CAMK2D: variants seen among roughly 807,000 people sequenced by gnomAD.
CAMK2D encodes the protein calcium/calmodulin-dependent protein kinase type II subunit delta.
A neutral mutation model predicts 84.0 loss-of-function variants in CAMK2D; 37 were observed. The observed-to-expected ratio is 0.44, with a 90% CI of 0.34 to 0.58. The LOEUF (loss-of-function observed/expected upper bound fraction) is 0.58. Among genes scored for constraint, CAMK2D ranks in the 20% least tolerant of loss-of-function variants. The pLI, the probability that CAMK2D is intolerant of heterozygous loss-of-function variation, is 0.02. For synonymous variants in CAMK2D, 202 were observed against 212.5 expected (o/e 0.95, Z 0.43); for missense variants, 448 against 652.5 (o/e 0.69, Z 3.41).
chr4:113,515,001 A>C, intron 10 of CAMK2D, 68 bp downstream of exon 10: 1 of 1,386,292 alleles, frequency 7.2e-7, no homozygotes, highest in Non-Finnish European at 1.0e-6. Flanking sequence ...TTAAATCCAT[A>C]AACAATATAT....
At chr4:113,681,622 T>C (rs2099346255) in intron 2 of CAMK2D, among the ~76,000 whole-genome samples, 1 of 152,152 alleles carries the variant, frequency 6.6e-6, no homozygotes. Flanking sequence ...CAAGAAAACA[T>C]TCACTAATCC....
At chr4:113,692,690 A>G (rs556505097) in intron 2 of CAMK2D, among the ~76,000 whole-genome samples, 34 of 152,122 alleles carry the variant, frequency 2.2e-4, no homozygotes, top group Non-Finnish European at 3.8e-4. Context: ...TCATACATAC[A>G]TACATATATT....
intron 4 of CAMK2D, among the ~76,000 whole-genome samples, chr4:113,567,417 C>T (rs373836157): frequency 3.3e-5 from 5 of 152,082 alleles, no homozygotes; most frequent in East Asian, 1.9e-4. Context: ...ATCTGCCTGC[C>T]GCAGCCTCCC....
chr4:113,754,516 G>T (rs975050509), intron 2 of CAMK2D: 20 of 944,362 alleles, frequency 2.1e-5, no homozygotes, highest in African/African-American at 3.5e-5. Flanking sequence ...CAATGGAAAT[G>T]AGAAGTATTA....
intron 3 of CAMK2D, among the ~76,000 whole-genome samples, chr4:113,653,418 A>G (rs2099184157): frequency 2.0e-5 from 3 of 152,082 alleles, no homozygotes; most frequent in South Asian, 2.1e-4. Flanking sequence ...TAGTATTAAA[A>G]TACTTTTAAT....
intron 3 of CAMK2D, among the ~76,000 whole-genome samples, chr4:113,629,259 T>C (rs1017589154): frequency 6.6e-6 from 1 of 152,012 alleles, no homozygotes; most frequent in Non-Finnish European, 1.5e-5. Flanking sequence ...CAAATTTGTA[T>C]CAGAAACTCC....
chr4:113,486,914 C>T (rs889913363), intron 16 of CAMK2D, among the ~76,000 whole-genome samples: 1 of 152,150 alleles, frequency 6.6e-6, no homozygotes, highest in Non-Finnish European at 1.5e-5. Context: ...TGTGTCTTTG[C>T]CTGCAACATT....
chr4:113,502,890 T>G lies in CAMK2D; in HGVS notation c.1086+46A>C, dbSNP rs748050752. Reference sequence around the variant, plus strand: ...TAATTTTTTTGAATATTTGATGAGATGTATAGTCTTGTTAAAGCAAGATGA... The same window carrying G: ...TAATTTTTTTGAATATTTGATGAGAGGTATAGTCTTGTTAAAGCAAGATGA... On this transcript the variant is annotated intron_variant, in intron 15 of 20. Transcript: ENST00000511664. 4 of 1,263,196 alleles carry G rather than the reference T, an allele frequency of 3.2e-6. No individual in the cohort carries two copies. In the Admixed American group the frequency reaches 5.0e-5, roughly 16 times the overall value. 78.2% of individuals were successfully genotyped at this position (1,263,196 alleles called of 1,614,324 possible). A position where few individuals can be genotyped will look rare whatever the true frequency, so the allele number is the denominator to read the frequency against.
intron 2 of CAMK2D, among the ~76,000 whole-genome samples, chr4:113,722,498 A>G (rs534077673): frequency 1.3e-5 from 2 of 152,098 alleles, no homozygotes; most frequent in Non-Finnish European, 2.9e-5. Flanking sequence ...ATACTTATAA[A>G]GACAATATTA....
At chr4:113,627,904 G>A (rs896998997) in intron 3 of CAMK2D, among the ~76,000 whole-genome samples, 6 of 152,114 alleles carry the variant, frequency 3.9e-5, no homozygotes, top group African/African-American at 1.4e-4. Flanking sequence ...GTACAGATGG[G>A]ATTACAAATA....
chr4:113,685,813 T>C (rs1042788437), intron 2 of CAMK2D, among the ~76,000 whole-genome samples: 5 of 152,116 alleles, frequency 3.3e-5, no homozygotes, highest in African/African-American at 1.2e-4. Context: ...CCTGTAATCC[T>C]GGCACTTTGG....
intron 20 of CAMK2D, 81 bp downstream of exon 20, chr4:113,455,645 T>C (rs1192582040): frequency 1.3e-6 from 1 of 749,638 alleles, no homozygotes; most frequent in Non-Finnish European, 2.2e-6. Flanking sequence ...ATAAAAAATA[T>C]CCTCAAAAGG....
chr4:113,676,095 G>A (rs928373343), intron 2 of CAMK2D, among the ~76,000 whole-genome samples: 61 of 152,080 alleles, frequency 4.0e-4, no homozygotes, highest in Non-Finnish European at 4.4e-5. Flanking sequence ...CACACTAAGT[G>A]GTTCTCTTTC....
At chr4:113,496,144 C>T (rs2097925505) in intron 16 of CAMK2D, among the ~76,000 whole-genome samples, 1 of 152,204 alleles carries the variant, frequency 6.6e-6, no homozygotes, top group African/African-American at 2.4e-5. Flanking sequence ...TACTGCTACA[C>T]ATCACTGACT....
At chr4:113,551,493 T>C (rs2098629024) in intron 5 of CAMK2D, among the ~76,000 whole-genome samples, 1 of 152,200 alleles carries the variant, frequency 6.6e-6, no homozygotes, top group South Asian at 2.1e-4. Flanking sequence ...TGTTTTCTGA[T>C]TAGATATTCA....
intron 4 of CAMK2D, among the ~76,000 whole-genome samples, chr4:113,577,089 C>T (rs545776350): frequency 6.6e-6 from 1 of 152,100 alleles, no homozygotes; most frequent in Non-Finnish European, 1.5e-5. Flanking sequence ...CCCCTCCCCC[C>T]AGGAAGAGTC....
intron 8 of CAMK2D, among the ~76,000 whole-genome samples, chr4:113,519,486 A>G (rs1222776304): frequency 1.3e-5 from 2 of 151,950 alleles, no homozygotes; most frequent in Non-Finnish European, 2.9e-5. Flanking sequence ...CATAAATGTG[A>G]AGATTAAAAA....
intron 2 of CAMK2D, among the ~76,000 whole-genome samples, chr4:113,757,235 A>G (rs2099630542): frequency 6.6e-6 from 1 of 152,166 alleles, no homozygotes; most frequent in Non-Finnish European, 1.5e-5. Context: ...ATCTAATTTG[A>G]TCATTATGAC....
chr4:113,739,512 A>G (rs1282314601), intron 2 of CAMK2D, among the ~76,000 whole-genome samples: 1 of 152,196 alleles, frequency 6.6e-6, no homozygotes, highest in African/African-American at 2.4e-5. Context: ...ATTAAAAGAA[A>G]AATAGCCATC....
Sources: gnomAD v4.1 joint callset for allele counts (sites outside exome capture counted in the v4.1 genomes callset) on GRCh38, gnomAD v4.1.1 for gene constraint, MANE v1.5 for transcripts, NCBI Gene and HGNC (gene_info 2026-07-23, HGNC 2026-07-21) for gene names.